The following SENP6 variants were observed in gnomAD, a reference collection of about 807,000 sequenced individuals.
The protein encoded by SENP6 is SUMO specific peptidase 6.
In SENP6, 41 loss-of-function variants were observed where a neutral mutation model predicts 134.5. The ratio of observed to expected loss-of-function variants is 0.30; its 90% CI spans 0.24 to 0.40. SENP6 has a LOEUF of 0.40. Among genes scored for constraint, SENP6 ranks in the 10% least tolerant of loss-of-function variants. The pLI, the probability that SENP6 is intolerant of heterozygous loss-of-function variation, is 1.00. For missense variants in SENP6, 1,248 were observed against 1,312.5 expected (o/e 0.95, Z 0.76); for synonymous variants, 395 against 429.8 (o/e 0.92, Z 1.00).
chr6:75,711,204 C>T, intron 20 of SENP6, 124 bp from the exon 21 acceptor site: 1 of 614,884 alleles, frequency 1.6e-6, no homozygotes, highest in South Asian at 2.5e-5. Context: ...TGTCTAATCA[C>T]CTAAATAGAG....
At chr6:75,674,123 C>T (rs1318689588) in intron 11 of SENP6, among the ~76,000 whole-genome samples, 1 of 148,484 alleles carries the variant, frequency 6.7e-6, no homozygotes, top group Non-Finnish European at 1.5e-5. Context: ...TCCACGTATG[C>T]TAGAATGTTT....
chr6:75,687,773 CG>C (rs1313177175), intron 16 of SENP6, among the ~76,000 whole-genome samples: 2 of 152,176 alleles, frequency 1.3e-5, no homozygotes, highest in African/African-American at 4.8e-5. Context: ...CTGGAAGCTT[CG>C]TCCCAGAGGG....
At chr6:75,622,131 A>C (rs940871408) in intron 2 of SENP6, among the ~76,000 whole-genome samples, 2 of 152,234 alleles carry the variant, frequency 1.3e-5, no homozygotes, top group African/African-American at 4.8e-5. Context: ...ACAGGTGTTT[A>C]CCCAGACAGA....
rs1277941304 is a variant in SENP6, at chr6:75,716,938, G to A, written c.*1344G>A. The A allele has an allele frequency of 2.6e-5, 4 of 151,774 alleles. No individual in the cohort carries two copies. The highest frequency in any genetic ancestry group is 4.4e-5 in the Non-Finnish European group (3 of 67,806). The allele number at this position is 151,774 out of a possible 1,614,324, so 9.4% of individuals were successfully genotyped here. ...TGAATTTAATAAAGTCCCATGGGTG[G>A]GTTCAGGGTGAATGGGAGTATTAAC... On this transcript the variant is annotated 3_prime_UTR_variant, in exon 24 of 24. Transcript: ENST00000447266.
intron 3 of SENP6, among the ~76,000 whole-genome samples, chr6:75,624,411 A>G (rs890541573): frequency 1.3e-5 from 2 of 152,138 alleles, no homozygotes; most frequent in African/African-American, 4.8e-5. Context: ...TTTTGCACAC[A>G]TACAAGCGTA....
intron 1 of SENP6, among the ~76,000 whole-genome samples, chr6:75,615,544 A>T (rs1260014991): frequency 1.3e-5 from 2 of 152,184 alleles, no homozygotes; most frequent in Non-Finnish European, 2.9e-5. Flanking sequence ...TCAAATGTTT[A>T]CTTTTGCTTT....
intron 6 of SENP6, among the ~76,000 whole-genome samples, chr6:75,641,731 A>G (rs780334819): frequency 6.6e-6 from 1 of 152,164 alleles, no homozygotes; most frequent in Non-Finnish European, 1.5e-5. Context: ...TAATCTTAGT[A>G]CTTTGGGAGG....
chr6:75,691,715 C>T (rs1490792368), intron 16 of SENP6, among the ~76,000 whole-genome samples: 3 of 152,132 alleles, frequency 2.0e-5, no homozygotes, highest in Non-Finnish European at 4.4e-5. Context: ...CTGCCTCAGC[C>T]TCCCGAGTAG....
intron 1 of SENP6, among the ~76,000 whole-genome samples, chr6:75,610,345 C>T (rs1767349698): frequency 6.6e-6 from 1 of 152,166 alleles, no homozygotes; most frequent in African/African-American, 2.4e-5. Flanking sequence ...ACTGTTAATG[C>T]TCACAGTTAC....
At chr6:75,652,263 A>G (rs923681034) in intron 7 of SENP6, among the ~76,000 whole-genome samples, 1 of 151,492 alleles carries the variant, frequency 6.6e-6, no homozygotes, top group African/African-American at 2.4e-5. Flanking sequence ...CGCCTGCCTC[A>G]GCCTCCCAAA....
At chr6:75,675,614 G>C (rs17792195) in intron 12 of SENP6, 146 bp downstream of exon 12, 207,136 of 672,114 alleles carry the variant, frequency 0.31, 34,869 homozygotes, top group Non-Finnish European at 0.36. Flanking sequence ...ATATATCTTG[G>C]TGTAATTTCA....
rs781619667 is a variant in SENP6 at position 75,702,693 on chromosome 6, A to G, written c.2337A>G (p.Pro779=). 6.2e-7 allele frequency: 1 copy of G among 1,603,664 alleles called. No individual in the cohort carries two copies. Among genetic ancestry groups the G allele is most frequent in the South Asian group, 1.1e-5 (1 of 89,256 alleles). The part of the protein sequence containing the change: ...AVVCFPGLEK[P]KYEPNPHYHE... The stretch of plus-strand genomic sequence containing the variant: ...TTTGTTTCCCCGGTTTGGAAAAACC[A>G]AAGTATGAACCTAATCCTCATTACC... Residue 779 remains proline (P), a synonymous_variant, in exon 19 of 24, where the codon CCA becomes CCG. Coordinates refer to ENST00000447266, the MANE Select transcript of SENP6 (RefSeq NM_015571.4).
At chr6:75,679,009 T>C in intron 16 of SENP6, 82 bp downstream of exon 16, 1 of 713,964 alleles carries the variant, frequency 1.4e-6, no homozygotes, top group Non-Finnish European at 2.4e-6. Flanking sequence ...GAGTCAGGCT[T>C]TTTGAGTTTT....
chr6:75,609,815 C>T (rs550400116), intron 1 of SENP6, among the ~76,000 whole-genome samples: 4 of 152,172 alleles, frequency 2.6e-5, no homozygotes, highest in Non-Finnish European at 4.4e-5. Context: ...GTCTCGGCTC[C>T]GTTGCCCAGG....
chr6:75,689,298 A>G (rs1370979844), intron 16 of SENP6, among the ~76,000 whole-genome samples: 3 of 152,222 alleles, frequency 2.0e-5, no homozygotes. Flanking sequence ...AGTGATCCAT[A>G]CAAGTGGCCA....
chr6:75,640,774 A>G, intron 6 of SENP6, 70 bp downstream of exon 6: 37 of 973,962 alleles, frequency 3.8e-5, no homozygotes, highest in Non-Finnish European at 5.4e-5. Flanking sequence ...ATATGTTTTG[A>G]AAAATATTGG....
At chr6:75,627,241 C>T (rs1004263572) in intron 3 of SENP6, among the ~76,000 whole-genome samples, 1 of 152,134 alleles carries the variant, frequency 6.6e-6, no homozygotes, top group Non-Finnish European at 1.5e-5. Context: ...AGATTACAGG[C>T]GTGAGCCACT....
At chr6:75,610,462 A>G (rs1767360045) in intron 1 of SENP6, among the ~76,000 whole-genome samples, 1 of 152,228 alleles carries the variant, frequency 6.6e-6, no homozygotes, top group African/African-American at 2.4e-5. Flanking sequence ...AGGTAATAAA[A>G]CAATGGCTAC....
At chr6:75,616,331 GT>G (rs1479612798) in intron 1 of SENP6, among the ~76,000 whole-genome samples, 1 of 152,174 alleles carries the variant, frequency 6.6e-6, no homozygotes, top group East Asian at 1.9e-4. Flanking sequence ...CCCACTCCAG[GT>G]TGCCCCCAAA....
Sources: allele counts gnomAD v4.1 joint callset (sites outside exome capture counted in the v4.1 genomes callset), GRCh38; gene constraint gnomAD v4.1.1; transcripts MANE v1.5; gene names NCBI Gene and HGNC (gene_info 2026-07-23, HGNC 2026-07-21).